IQCK: variants seen among roughly 807,000 people sequenced by gnomAD.
The protein encoded by IQCK is IQ motif containing K, also known as IQ domain-containing protein K.
Under a neutral mutation model 28.1 loss-of-function variants are expected in IQCK, and 29 were observed. The observed-to-expected ratio is 1.03, with a 90% CI of 0.77 to 1.41. The LOEUF (loss-of-function observed/expected upper bound fraction) is 1.41. Ranked by LOEUF, IQCK falls within the 40% of genes most tolerant of loss-of-function variation. The pLI, the probability that IQCK is intolerant of heterozygous loss-of-function variation, is 0.00. For missense variants in IQCK, 359 were observed against 314.7 expected (o/e 1.14, Z -1.07); for synonymous variants, 113 against 115.1 (o/e 0.98, Z 0.12).
At chr16:19,807,700 A>G (rs553235325) in intron 7 of IQCK, among the ~76,000 whole-genome samples, 1 of 152,318 alleles carries the variant, frequency 6.6e-6, no homozygotes, top group South Asian at 2.1e-4. Context: ...TGGCTTGCCA[A>G]CAATGTGACC....
chr16:19,726,607 A>G (rs1055645664), intron 1 of IQCK, among the ~76,000 whole-genome samples: 3 of 152,256 alleles, frequency 2.0e-5, no homozygotes, highest in African/African-American at 2.4e-5. Flanking sequence ...GTGGCACATC[A>G]TGTATGTAGC....
At chr16:19,771,059 T>C (rs1206888754) in intron 6 of IQCK, among the ~76,000 whole-genome samples, 2 of 152,212 alleles carry the variant, frequency 1.3e-5, no homozygotes, top group African/African-American at 4.8e-5. Flanking sequence ...CTTTTGCCAT[T>C]GTCAGGTAAA....
At chr16:19,736,448 G>T (rs945938245) in intron 4 of IQCK, among the ~76,000 whole-genome samples, 4 of 151,872 alleles carry the variant, frequency 2.6e-5, no homozygotes, top group African/African-American at 9.7e-5. Flanking sequence ...TTGATTGATT[G>T]ATTGTAGATA....
intron 4 of IQCK, among the ~76,000 whole-genome samples, chr16:19,744,572 TCTCAGCC>T (rs1434384454): frequency 1.3e-5 from 2 of 152,274 alleles, no homozygotes; most frequent in Admixed American, 1.3e-4. Flanking sequence ...CCATGAATTA[TCTCAGCC>T]TGAGAGTTAG....
At chr16:19,855,401 G>A (rs2056546677) in intron 9 of IQCK, among the ~76,000 whole-genome samples, 1 of 152,124 alleles carries the variant, frequency 6.6e-6, no homozygotes, top group South Asian at 2.1e-4. Context: ...AGACCAGCCT[G>A]GGCAACATTG....
intron 6 of IQCK, among the ~76,000 whole-genome samples, chr16:19,766,276 G>C (rs1291210291): frequency 6.6e-6 from 1 of 152,236 alleles, no homozygotes; most frequent in Non-Finnish European, 1.5e-5. Context: ...CCCTTGGGGT[G>C]GGGGGACATG....
exon 10 of IQCK, chr16:19,858,259 A>G: frequency 2.5e-6 from 1 of 393,576 alleles, no homozygotes; most frequent in South Asian, 1.0e-4. Context: ...CGTTCAGCCC[A>G]CTCTCAACCT....
chr16:19,858,313 A>C, exon 10 of IQCK: 2 of 443,626 alleles, frequency 4.5e-6, no homozygotes, highest in African/African-American at 4.0e-5. Context: ...ATAACATATC[A>C]GATTTAAAAG....
At chr16:19,836,759 G>A (rs909892952) in intron 9 of IQCK, among the ~76,000 whole-genome samples, 9 of 152,140 alleles carry the variant, frequency 5.9e-5, no homozygotes, top group African/African-American at 1.4e-4. Context: ...TGATCCGCCC[G>A]CCCTGGCCTC....
rs115689299 is a variant in IQCK, at chr16:19,825,842, T to C, written c.691-1184T>C. Among the ~76,000 whole-genome samples, 1,260 of 152,294 alleles carry C rather than the reference T, an allele frequency of 8.3e-3. 19 individuals carry two copies. Among genetic ancestry groups the C allele is most frequent in the African/African-American group, 0.029 (1,188 of 41,568 alleles). Reference sequence around the variant, plus strand: ...TATGAAGTAAGCAGTCAGTGTTAAATAGAACTGTGGTTAATGCATTAACTG... The same window carrying C: ...TATGAAGTAAGCAGTCAGTGTTAAACAGAACTGTGGTTAATGCATTAACTG... On this transcript the variant is annotated intron_variant, in intron 7 of 7. Transcript: ENST00000564186. This position sits in a 1 kb window ranked among gnomAD's most constrained non-coding sequence, Gnocchi z 4.2.
chr16:19,775,244 A>C (rs1019016221), intron 6 of IQCK, among the ~76,000 whole-genome samples: 1 of 150,740 alleles, frequency 6.6e-6, no homozygotes, highest in African/African-American at 2.5e-5. Flanking sequence ...AAAAAAAAAA[A>C]AGAAGACTTT....
rs375229766 is a variant in IQCK, at chr16:19,818,924, G to A, written c.691-8102G>A. On this transcript the variant is annotated intron_variant, in intron 7 of 7. Coordinates refer to ENST00000564186, the Ensembl canonical transcript of IQCK. ...AAGACCGTCTATCCAAATTCCTCTC[G>A]GCGAGTAAAGCTCTGGGGTGGCATT... Among the ~76,000 whole-genome samples the A allele has an allele frequency of 4.6e-5, 7 of 152,164 alleles. No homozygotes were observed. The South Asian group carries it at 6.2e-4, about 14-fold the overall frequency.
intron 7 of IQCK, among the ~76,000 whole-genome samples, chr16:19,802,922 A>G (rs1185222702): frequency 2.0e-5 from 3 of 152,168 alleles, no homozygotes; most frequent in Non-Finnish European, 4.4e-5. Context: ...CTGCTGAGGA[A>G]TAAACACATA....
chr16:19,855,534 G>A (rs985555051), intron 9 of IQCK, among the ~76,000 whole-genome samples: 1 of 152,066 alleles, frequency 6.6e-6, no homozygotes, highest in African/African-American at 2.4e-5. Flanking sequence ...GCAGTGTGCC[G>A]AGATCTTGCC....
At chr16:19,786,162 G>C (rs954671639) in intron 6 of IQCK, among the ~76,000 whole-genome samples, 25 of 152,180 alleles carry the variant, frequency 1.6e-4, no homozygotes, top group Non-Finnish European at 3.5e-4. Flanking sequence ...ATTTTAACTA[G>C]TGAAGGGAAA....
At chr16:19,792,569 C>CTTT (rs777960791) in intron 7 of IQCK, among the ~76,000 whole-genome samples, 2 of 102,180 alleles carry the variant, frequency 2.0e-5, no homozygotes, top group East Asian at 2.3e-4. Flanking sequence ...TACTGAACAC[C>CTTT]TTTTTTTTTT....
intron 9 of IQCK, among the ~76,000 whole-genome samples, chr16:19,840,450 C>T (rs1334693801): frequency 1.3e-5 from 2 of 151,938 alleles, no homozygotes; most frequent in African/African-American, 4.8e-5. Flanking sequence ...GTAATGCAGG[C>T]GATTGATGAG....
At chr16:19,761,348 C>CA (rs1438406286) in intron 4 of IQCK, 3 of 451,838 alleles carry the variant, frequency 6.6e-6, no homozygotes, top group African/African-American at 4.0e-5. Context: ...CTGCTGGTAC[C>CA]ACCCATAGGA....
intron 4 of IQCK, among the ~76,000 whole-genome samples, chr16:19,758,038 G>C (rs1302935586): frequency 6.6e-6 from 1 of 152,006 alleles, no homozygotes; most frequent in Non-Finnish European, 1.5e-5. Flanking sequence ...CCTTGTTAGA[G>C]GCTGCCTTAA....
Sources: gnomAD v4.1 joint callset for allele counts (sites outside exome capture counted in the v4.1 genomes callset) on GRCh38, gnomAD v4.1.1 for gene constraint, Gnocchi (gnomAD v3.1) non-coding constraint, MANE v1.5 for transcripts, NCBI Gene and HGNC (gene_info 2026-07-23, HGNC 2026-07-21) for gene names.